Variants in GREB1 observed in about 807,000 individuals in gnomAD.
The protein encoded by GREB1 is growth regulating estrogen receptor binding 1.
A neutral mutation model predicts 200.7 loss-of-function variants in GREB1; 106 were observed. The ratio of observed to expected loss-of-function variants is 0.53; its 90% CI spans 0.45 to 0.62. The LOEUF (loss-of-function observed/expected upper bound fraction) is 0.62. Ranked by LOEUF, GREB1 falls within the 20% of genes least tolerant of loss-of-function variation. The pLI, the probability that GREB1 is intolerant of heterozygous loss-of-function variation, is 0.00. For missense variants in GREB1, 2,243 were observed against 2,556.8 expected (o/e 0.88, Z 2.65); for synonymous variants, 1,132 against 1,092.4 (o/e 1.04, Z -0.72).
intron 1 of GREB1, among the ~76,000 whole-genome samples, chr2:11,518,000 A>C (rs1354961212): frequency 1.3e-5 from 2 of 152,212 alleles, no homozygotes; most frequent in African/African-American, 4.8e-5. Flanking sequence ...TTTTCCAAGG[A>C]GTGAGTTTGT....
intron 11 of GREB1, among the ~76,000 whole-genome samples, chr2:11,593,920 G>T (rs900896470): frequency 6.6e-6 from 1 of 152,094 alleles, no homozygotes. Context: ...GAGCTTTCCT[G>T]GCCTGCTTAA....
intron 9 of GREB1, chr2:11,588,354 A>G: frequency 1.0e-6 from 1 of 982,798 alleles, no homozygotes; most frequent in Non-Finnish European, 1.3e-6. Flanking sequence ...GGGAGGCAAG[A>G]CCTGGCAGGC....
At position 11,637,755 on chromosome 2, in the gene GREB1, A is replaced by G; in HGVS notation, c.5386A>G (p.Ile1796Val). 21 of 1,613,860 alleles carry G rather than the reference A, an allele frequency of 1.3e-5. No homozygotes were observed. The highest frequency in any genetic ancestry group is 2.7e-5 in the African/African-American group (2 of 75,012). ...NSAAVVPAQY[I>V]CAPDSKHTFL... is the part of the protein sequence containing the mutation. ...TGCCGCGGTCGTGCCGGCCCAGTACATCTGTGCCCCGGACAGCAAGCACAC... is the reference window on the plus strand; with the variant it reads ...TGCCGCGGTCGTGCCGGCCCAGTACGTCTGTGCCCCGGACAGCAAGCACAC... The change falls in exon 31 of 33, where the codon ATC (isoleucine) becomes GTC (valine). Residue 1796 changes from isoleucine (I) to valine (V), a missense_variant. By Grantham distance (29) the Ile-to-Val change is conservative. Around this residue, in one of 3 missense-constraint regions of GREB1, gnomAD observed 478 missense variants for 616.3 expected, o/e 0.78. Transcript: ENST00000381486.
At chr2:11,544,352 G>T (rs1269968982) in intron 1 of GREB1, among the ~76,000 whole-genome samples, 1 of 151,992 alleles carries the variant, frequency 6.6e-6, no homozygotes, top group Non-Finnish European at 1.5e-5. Flanking sequence ...GAGTAGCTGG[G>T]ACTACAGGCT....
intron 25 of GREB1, among the ~76,000 whole-genome samples, 163 bp downstream of exon 25, chr2:11,627,267 A>G (rs996309416): frequency 1.3e-5 from 2 of 152,178 alleles, no homozygotes; most frequent in Non-Finnish European, 1.5e-5. Flanking sequence ...CTGTGAAATG[A>G]TTGCTGGAAC....
At chr2:11,596,631 C>T (rs939831517) in intron 13 of GREB1, among the ~76,000 whole-genome samples, 2 of 41,348 alleles carry the variant, frequency 4.8e-5, no homozygotes, top group Admixed American at 3.9e-4. Flanking sequence ...TAAGAGGGGG[C>T]GGGGCTGCAG....
chr2:11,488,016 G>C (rs1672694143), intron 1 of GREB1, among the ~76,000 whole-genome samples: 3 of 152,300 alleles, frequency 2.0e-5, no homozygotes, highest in Admixed American at 2.0e-4. Context: ...GTTCTCATCT[G>C]CTCCTTGAGG....
chr2:11,507,184 G>A (rs529234953), intron 1 of GREB1, among the ~76,000 whole-genome samples: 2 of 152,244 alleles, frequency 1.3e-5, no homozygotes, highest in East Asian at 1.9e-4. Flanking sequence ...CAAGGCAGGC[G>A]GATCACCTGA....
At chr2:11,626,920 T>C (rs1196281364) in intron 24 of GREB1, 42 bp from the exon 25 acceptor site, 1 of 1,610,882 alleles carries the variant, frequency 6.2e-7, no homozygotes, top group Non-Finnish European at 8.5e-7. Context: ...TAATGTTTGC[T>C]TTGCTCCCTG....
At chr2:11,512,850 A>C (rs1673389990) in intron 1 of GREB1, among the ~76,000 whole-genome samples, 1 of 152,232 alleles carries the variant, frequency 6.6e-6, no homozygotes, top group African/African-American at 2.4e-5. Context: ...TACGCAGCTT[A>C]AGTAATTTTA....
Position 11,634,242 on chromosome 2 carries a change from C to T in GREB1, c.5103C>T (p.Ser1701=). 1 of 1,614,202 alleles carries T rather than the reference C, an allele frequency of 6.2e-7. No individual in the cohort carries two copies. The highest frequency in any genetic ancestry group is 8.5e-7 in the Non-Finnish European group (1 of 1,180,024). Residue 1701 remains serine (S), a synonymous_variant, in exon 29 of 33, where the codon AGC becomes AGT. Transcript: ENST00000381486. The stretch of plus-strand genomic sequence containing the variant: ...TGCTGGGCCTGCGGAAGTGGTCCAG[C>T]AAGACCCGGGCCAGCGAGGTGCAAG... ...YALLGLRKWS[S]KTRASEVQEP...
At chr2:11,587,053 A>G (rs1419569187) in intron 9 of GREB1, among the ~76,000 whole-genome samples, 1 of 152,190 alleles carries the variant, frequency 6.6e-6, no homozygotes, top group African/African-American at 2.4e-5. Context: ...ACCTCGGAAA[A>G]GAAAGCCCAG....
intron 4 of GREB1, among the ~76,000 whole-genome samples, chr2:11,571,057 C>T (rs1003013383): frequency 3.4e-4 from 51 of 151,808 alleles, no homozygotes; most frequent in African/African-American, 1.2e-3. Context: ...ATATATAAAA[C>T]GTTGTTTTCC....
chr2:11,625,809 A>G (rs570073373), intron 24 of GREB1, among the ~76,000 whole-genome samples: 6 of 152,302 alleles, frequency 3.9e-5, no homozygotes, highest in Non-Finnish European at 8.8e-5. Context: ...AGTCCGTTTC[A>G]CGCTGCTGAT....
At chr2:11,488,791 CAAAAA>C (rs11288876) in intron 1 of GREB1, among the ~76,000 whole-genome samples, 3 of 82,750 alleles carry the variant, frequency 3.6e-5, no homozygotes, top group Non-Finnish European at 7.6e-5. Flanking sequence ...AACTCCGTCT[CAAAAA>C]AAAAAAAAAA....
chr2:11,583,588 A>G (rs1572808365), intron 7 of GREB1, among the ~76,000 whole-genome samples: 1 of 152,104 alleles, frequency 6.6e-6, no homozygotes. Context: ...GGTCGGGTGC[A>G]TTGGCTCACA....
intron 22 of GREB1, among the ~76,000 whole-genome samples, chr2:11,619,241 C>T (rs947616234): frequency 6.6e-6 from 1 of 152,224 alleles, no homozygotes; most frequent in African/African-American, 2.4e-5. Context: ...AGAAACAAAA[C>T]TCTGGGTTCT....
intron 31 of GREB1, among the ~76,000 whole-genome samples, chr2:11,638,124 A>G (rs143619494): frequency 6.6e-6 from 1 of 152,268 alleles, no homozygotes; most frequent in African/African-American, 2.4e-5. Context: ...TCTGATGCCC[A>G]AACTTTTGTT....
chr2:11,552,930 A>G (rs1271159100), intron 1 of GREB1, among the ~76,000 whole-genome samples: 4 of 149,742 alleles, frequency 2.7e-5, no homozygotes, highest in Admixed American at 2.0e-4. Flanking sequence ...GAATGGCGTG[A>G]ACCCGGGAGG....
Sources: allele counts gnomAD v4.1 joint callset (sites outside exome capture counted in the v4.1 genomes callset), GRCh38; gene constraint gnomAD v4.1.1; regional missense constraint gnomAD v4.1.1; transcripts MANE v1.5; gene names NCBI Gene and HGNC (gene_info 2026-07-23, HGNC 2026-07-21).